The following CASP9 variants were observed in gnomAD, a reference collection of about 807,000 sequenced individuals.
CASP9 encodes the protein caspase 9, also known as caspase-9.
A neutral mutation model predicts 43.5 loss-of-function variants in CASP9; 29 were observed. The observed-to-expected ratio is 0.67, with a 90% CI of 0.50 to 0.91. The LOEUF is 0.91. Ranked by LOEUF, CASP9 falls within the 40% of genes least tolerant of loss-of-function variation. CASP9 has a pLI of 0.00. For missense variants in CASP9, 575 were observed against 537.4 expected, an observed-to-expected ratio of 1.07 and a Z score of -0.69; for synonymous variants, 206 against 211.9, an observed-to-expected ratio of 0.97 and a Z score of 0.24.
At chr1:15,503,139 C>A (rs187729878) in intron 6 of CASP9, among the ~76,000 whole-genome samples, 7 of 152,284 alleles carry the variant, frequency 4.6e-5, no homozygotes, top group African/African-American at 1.4e-4. Context: ...GTAATCCCAG[C>A]ACTTTGGGAG....
At chr1:15,494,859 T>A (rs866132995) in intron 7 of CASP9, among the ~76,000 whole-genome samples, 2 of 73,614 alleles carry the variant, frequency 2.7e-5, no homozygotes, top group African/African-American at 9.6e-5. Context: ...CGAGATTCCA[T>A]CTCAAAAAAA....
chr1:15,502,252 A>T (rs904541484), intron 6 of CASP9, among the ~76,000 whole-genome samples: 1 of 152,142 alleles, frequency 6.6e-6, no homozygotes, highest in Non-Finnish European at 1.5e-5. Flanking sequence ...AAGGCCAGCT[A>T]ACCCTGACTT....
At position 15,495,294 on chromosome 1, in the gene CASP9, C is replaced by T. The variant is rs1402903108; in HGVS notation, c.1027G>A (p.Val343Met). 6.2e-7 allele frequency: 1 copy of T among 1,611,320 alleles called. No homozygotes were observed. Among genetic ancestry groups the T allele is most frequent in the Admixed American group, 1.7e-5 (1 of 59,528 alleles). ...SSLPTPSDIF[V>M]SYSTFPGFVS... The stretch of plus-strand genomic sequence containing the variant: ...TCACCTGGGAAAGTAGAGTAGGACA[C>T]AAAGATGTCACTGGGTGTGGGCAAA... Residue 343 changes from valine to methionine, a missense_variant, in exon 7 of 9, where the codon GTG becomes ATG. Transcript: ENST00000333868.
chr1:15,495,787 G>A (rs555837989), intron 6 of CASP9, among the ~76,000 whole-genome samples: 1 of 152,288 alleles, frequency 6.6e-6, no homozygotes, highest in Admixed American at 6.5e-5. Context: ...TCTTTACAGA[G>A]GCATCACCCC....
intron 6 of CASP9, among the ~76,000 whole-genome samples, chr1:15,499,766 C>T (rs1489529927): frequency 2.0e-5 from 3 of 152,308 alleles, no homozygotes; most frequent in East Asian, 1.9e-4. Flanking sequence ...TAAGGGATAA[C>T]GTTAGCTGAG....
chr1:15,513,077 C>T (rs1001561073), intron 2 of CASP9, among the ~76,000 whole-genome samples: 3 of 150,194 alleles, frequency 2.0e-5, no homozygotes, highest in Non-Finnish European at 3.0e-5. Context: ...GAGAGAATGG[C>T]GTGAACCCAG....
Position 15,494,564 on chromosome 1 carries a change from C to CA in CASP9, c.1049-564dup, listed in dbSNP as rs34522526. On this transcript the variant is annotated intron_variant, in intron 7 of 8. Coordinates refer to ENST00000333868, the MANE Select transcript of CASP9 (RefSeq NM_001229.5). ...TGGGCGACAAAGCAAGACTCCGTCT[C>CA]AAAAAAAAAAAAAAAAAGGCTGGGC... Among the ~76,000 whole-genome samples, 459 of 97,258 alleles carry CA rather than the reference C, an allele frequency of 4.7e-3. 1 individual carries two copies. Among genetic ancestry groups the CA allele is most frequent in the African/African-American group, 0.013 (319 of 25,218 alleles). The allele number at this position is 97,258 out of a possible 152,430, so 63.8% of individuals were successfully genotyped here.
chr1:15,513,244 A>G lies in CASP9; in HGVS notation c.418+4866T>C, dbSNP rs80096666. The stretch of plus-strand genomic sequence containing the variant: ...TAATCATTAGCTCATGCAAATGTTT[A>G]CTAAGTACCTGCTGAGTTCTAGGTG... On this transcript the variant is annotated intron_variant, in intron 2 of 8. Coordinates refer to ENST00000333868, the MANE Select transcript of CASP9 (RefSeq NM_001229.5). Among the ~76,000 whole-genome samples the G allele has an allele frequency of 8.9e-4, 135 of 151,768 alleles. 3 individuals carry two copies. The East Asian group carries it at 0.021, about 23-fold the overall frequency.
intron 1 of CASP9, among the ~76,000 whole-genome samples, chr1:15,522,271 G>A (rs1159530378): frequency 2.0e-5 from 3 of 152,220 alleles, no homozygotes; most frequent in South Asian, 2.1e-4. Context: ...GATCCAACTG[G>A]TTCCAAAACC....
intron 1 of CASP9, among the ~76,000 whole-genome samples, chr1:15,521,053 A>C (rs945251633): frequency 1.3e-5 from 2 of 148,680 alleles, no homozygotes; most frequent in African/African-American, 5.0e-5. Flanking sequence ...GCTACTCGGG[A>C]GGCTGAGGGA....
intron 6 of CASP9, among the ~76,000 whole-genome samples, chr1:15,499,069 G>A (rs4646083): frequency 0.27 from 41,559 of 152,040 alleles, 6,507 homozygotes; most frequent in African/African-American, 0.42. Context: ...GCTGGAAAGC[G>A]TAAAAAATGC....
chr1:15,523,427 T>A (rs1216477634), intron 1 of CASP9, among the ~76,000 whole-genome samples: 17 of 152,172 alleles, frequency 1.1e-4, no homozygotes. Flanking sequence ...TCCCGAAACC[T>A]CTATGCTAGA....
At chr1:15,493,128 C>T (rs1261569917) in intron 8 of CASP9, 93 bp from the exon 9 acceptor site, 19 of 1,576,384 alleles carry the variant, frequency 1.2e-5, no homozygotes, top group Admixed American at 1.1e-4. Flanking sequence ...CCACTCAACC[C>T]GCACCTTAAA....
chr1:15,508,976 G>A (rs556199330), intron 2 of CASP9, among the ~76,000 whole-genome samples: 23 of 152,244 alleles, frequency 1.5e-4, no homozygotes, highest in African/African-American at 5.1e-4. Context: ...CCAGCTTTTC[G>A]CACCACATGC....
chr1:15,505,061 C>G (rs1315831226), intron 5 of CASP9, among the ~76,000 whole-genome samples: 27 of 152,208 alleles, frequency 1.8e-4, no homozygotes, highest in Non-Finnish European at 2.9e-5. Context: ...GCATCAATAT[C>G]GCTTGGGAAC....
intron 1 of CASP9, among the ~76,000 whole-genome samples, chr1:15,522,238 A>T (rs893106798): frequency 1.2e-4 from 18 of 152,252 alleles, no homozygotes; most frequent in Non-Finnish European, 2.2e-4. Flanking sequence ...GCTAATATGT[A>T]ACAAGGCCAG....
intron 6 of CASP9, among the ~76,000 whole-genome samples, chr1:15,497,309 TAAAAA>T (rs200717519): frequency 0.17 from 16,953 of 101,590 alleles, 1,096 homozygotes; most frequent in Middle Eastern, 0.25. Context: ...GGACTCCATC[TAAAAA>T]AAAAAAAAAA....
chr1:15,506,467 C>A (rs1709527845), intron 4 of CASP9, among the ~76,000 whole-genome samples: 1 of 151,750 alleles, frequency 6.6e-6, no homozygotes, highest in Non-Finnish European at 1.5e-5. Context: ...CCGCCCCCCC[C>A]AAAAAATAAA....
chr1:15,524,327 C>A (rs1710355543), upstream of CASP9: 3 of 1,429,496 alleles, frequency 2.1e-6, no homozygotes, highest in Non-Finnish European at 2.7e-6. Flanking sequence ...GGTCAGTCTT[C>A]GCTCCCCACC....
Sources: gnomAD v4.1 joint callset for allele counts (sites outside exome capture counted in the v4.1 genomes callset) on GRCh38, gnomAD v4.1.1 for gene constraint, MANE v1.5 for transcripts, NCBI Gene and HGNC (gene_info 2026-07-23, HGNC 2026-07-21) for gene names.